TUT4: variants seen among roughly 807,000 people sequenced by gnomAD.
TUT4 encodes terminal uridylyltransferase 4.
In TUT4, 36 loss-of-function variants were observed where a neutral mutation model predicts 192.2. The observed-to-expected ratio is 0.19, with a 90% CI of 0.14 to 0.25. The LOEUF is 0.25. TUT4 is among the 10% of genes least tolerant of loss of function. The pLI is 1.00. For synonymous variants in TUT4, 618 were observed against 666.0 expected (o/e 0.93, Z 1.11); for missense variants, 1,493 against 1,957.2 (o/e 0.76, Z 4.47).
intron 12 of TUT4, among the ~76,000 whole-genome samples, chr1:52,476,613 T>C (rs1167806532): frequency 6.6e-6 from 1 of 152,130 alleles, no homozygotes; most frequent in Admixed American, 6.5e-5. Flanking sequence ...AAAAGATTTT[T>C]CTACTTTCTT....
intron 4 of TUT4, among the ~76,000 whole-genome samples, chr1:52,498,935 TATATA>T (rs1673305657): frequency 1.0e-5 from 1 of 100,356 alleles, no homozygotes; most frequent in Non-Finnish European, 1.9e-5. Context: ...TATATATATA[TATATA>T]TATATATATA....
At chr1:52,463,164 T>TTA in intron 16 of TUT4, 1 of 981,692 alleles carries the variant, frequency 1.0e-6, no homozygotes, top group Non-Finnish European at 1.2e-6. Flanking sequence ...ATGGCACAGA[T>TTA]TATATATAAT....
intron 16 of TUT4, chr1:52,463,455 T>C: frequency 9.6e-7 from 1 of 1,039,428 alleles, no homozygotes; most frequent in South Asian, 3.2e-5. Context: ...CTGCCATCTT[T>C]ACTCCGGGTC....
chr1:52,509,715 G>T lies in TUT4; in HGVS notation c.883-3C>A. ...CAATTGGTATATTCTGGTGATCGCT[G>T]AAGAGACAAATTTTAAAAATGCACT... On this transcript the variant is annotated splice_polypyrimidine_tract_variant and splice_region_variant and intron_variant, in intron 3 of 29. Coordinates refer to ENST00000257177, the MANE Select transcript of TUT4 (RefSeq NM_001009881.3). 1 of 1,572,982 alleles carries T rather than the reference G, an allele frequency of 6.4e-7. No homozygotes were observed. The highest frequency in any genetic ancestry group is 8.7e-7 in the Non-Finnish European group (1 of 1,144,388).
At chr1:52,491,948 G>A (rs1323450824) in intron 7 of TUT4, among the ~76,000 whole-genome samples, 3 of 152,082 alleles carry the variant, frequency 2.0e-5, no homozygotes, top group Admixed American at 6.5e-5. Flanking sequence ...GATACAGTAA[G>A]AACATAAAGG....
intron 28 of TUT4, among the ~76,000 whole-genome samples, chr1:52,427,035 GATA>G (rs1167371985): frequency 1.3e-5 from 2 of 151,984 alleles, no homozygotes; most frequent in African/African-American, 2.4e-5. Flanking sequence ...TAGCTTATTA[GATA>G]ATAATACTAT....
intron 1 of TUT4, among the ~76,000 whole-genome samples, chr1:52,549,350 T>C (rs1688844890): frequency 6.6e-6 from 1 of 152,144 alleles, no homozygotes; most frequent in African/African-American, 2.4e-5. Context: ...CCACACTGAA[T>C]TTCTCACTCT....
At chr1:52,513,123 A>C (rs76372993) in intron 3 of TUT4, among the ~76,000 whole-genome samples, 1 of 136,098 alleles carries the variant, frequency 7.3e-6, no homozygotes, top group Non-Finnish European at 1.6e-5. Flanking sequence ...ACCCTGTCTC[A>C]AAAAAAAAAA....
chr1:52,481,506 C>A lies in TUT4; in HGVS notation c.1765G>T (p.Ala589Ser). Residue 589 changes from alanine to serine, a missense_variant, in exon 11 of 30, where the codon GCT becomes TCT. By Grantham distance (99) the Ala-to-Ser change is moderately conservative. This residue lies in a region of TUT4 where 437 missense variants were observed against 577.6 expected (regional missense o/e 0.76). Coordinates refer to ENST00000257177, the MANE Select transcript of TUT4 (RefSeq NM_001009881.3). ...EKNSIAEENK[A>S]KADQPKDDTK... is the part of the protein sequence containing the mutation. Reference sequence around the variant, plus strand: ...TCATCTTTTGGTTGGTCTGCCTTAGCTTTGTTTTCCTCAGCAATTGAGTTT... The same window carrying A: ...TCATCTTTTGGTTGGTCTGCCTTAGATTTGTTTTCCTCAGCAATTGAGTTT... 6.2e-7 allele frequency: 1 copy of A among 1,613,914 alleles called. No individual in the cohort carries two copies. The highest frequency in any genetic ancestry group is 1.3e-5 in the African/African-American group (1 of 75,022).
chr1:52,500,044 CCA>C (rs2149203259), intron 4 of TUT4, among the ~76,000 whole-genome samples: 1 of 150,872 alleles, frequency 6.6e-6, no homozygotes, highest in South Asian at 2.1e-4. Flanking sequence ...ATTGCTTGAA[CCA>C]GGGAGGTGGA....
intron 2 of TUT4, among the ~76,000 whole-genome samples, chr1:52,517,759 C>T (rs1301176045): frequency 2.6e-4 from 40 of 152,058 alleles, no homozygotes; most frequent in Non-Finnish European, 1.6e-4. Flanking sequence ...TTTTTAGTAA[C>T]CATTTTATTA....
At chr1:52,460,257 G>A (rs755173039) in intron 19 of TUT4, among the ~76,000 whole-genome samples, 5 of 152,136 alleles carry the variant, frequency 3.3e-5, no homozygotes, top group Non-Finnish European at 5.9e-5. Context: ...CGAGGCTGGA[G>A]GATCACTTGA....
intron 26 of TUT4, among the ~76,000 whole-genome samples, chr1:52,436,109 A>T (rs1373888675): frequency 6.6e-6 from 1 of 152,172 alleles, no homozygotes; most frequent in African/African-American, 2.4e-5. Context: ...GTGGGAAGAA[A>T]TATAATTCTC....
At chr1:52,429,695 C>T (rs1015500935) in intron 28 of TUT4, among the ~76,000 whole-genome samples, 4 of 151,634 alleles carry the variant, frequency 2.6e-5, no homozygotes, top group Non-Finnish European at 5.9e-5. Flanking sequence ...TGGGTTCAAG[C>T]GATTCTCCTG....
At chr1:52,498,051 T>C (rs1313386041) in intron 4 of TUT4, among the ~76,000 whole-genome samples, 1 of 152,196 alleles carries the variant, frequency 6.6e-6, no homozygotes, top group Non-Finnish European at 1.5e-5. Flanking sequence ...TTAAAGACTT[T>C]GGTCCATTTC....
At chr1:52,440,139 G>A (rs546429511) in intron 24 of TUT4, among the ~76,000 whole-genome samples, 1 of 152,302 alleles carries the variant, frequency 6.6e-6, no homozygotes, top group South Asian at 2.1e-4. Context: ...AGAACTGACT[G>A]CTAATGAGGA....
intron 2 of TUT4, among the ~76,000 whole-genome samples, chr1:52,523,515 C>T (rs186611368): frequency 2.6e-5 from 4 of 151,742 alleles, no homozygotes; most frequent in East Asian, 2.0e-4. Flanking sequence ...ATTGCTTGAA[C>T]GTGGGAGGCA....
chr1:52,526,689 T>A lies in TUT4; in HGVS notation c.-93-316A>T, dbSNP rs115710644. ...AAACTAAAACTTGCAATTGAATGTA[T>A]CACAATTAACATGAAAGGAAACAGA... On this transcript the variant is annotated intron_variant, in intron 1 of 29. Transcript: ENST00000257177. Among the ~76,000 whole-genome samples the A allele has an allele frequency of 2.8e-3, 421 of 152,276 alleles. 2 individuals are homozygous for A. The highest frequency in any genetic ancestry group is 1.0e-2 in the African/African-American group (414 of 41,572).
At chr1:52,541,455 C>A (rs913535867) in intron 1 of TUT4, among the ~76,000 whole-genome samples, 3 of 150,182 alleles carry the variant, frequency 2.0e-5, no homozygotes, top group Non-Finnish European at 3.0e-5. Flanking sequence ...TCGCTTGAAC[C>A]CAGGAGGCAG....
Sources: allele counts gnomAD v4.1 joint callset (sites outside exome capture counted in the v4.1 genomes callset), GRCh38; gene constraint gnomAD v4.1.1; regional missense constraint gnomAD v4.1.1; transcripts MANE v1.5; gene names NCBI Gene and HGNC (gene_info 2026-07-23, HGNC 2026-07-21).